Variants in PGR observed in about 807,000 individuals in gnomAD.
The protein encoded by PGR is nuclear receptor subfamily 3 group C member 3.
A neutral mutation model predicts 76.1 loss-of-function variants in PGR; 25 were observed. That is an observed-to-expected ratio of 0.33 (90% CI 0.24 to 0.46). The LOEUF is 0.46. Ranked by LOEUF, PGR falls within the 20% of genes least tolerant of loss-of-function variation. PGR has a pLI of 1.00. For synonymous variants in PGR, 579 were observed against 535.0 expected (o/e 1.08, Z -1.14); for missense variants, 1,172 against 1,225.3 (o/e 0.96, Z 0.65).
At chr11:101,109,234 G>T (rs1591422808) in intron 2 of PGR, among the ~76,000 whole-genome samples, 1 of 152,276 alleles carries the variant, frequency 6.6e-6, no homozygotes, top group Middle Eastern at 3.4e-3. Flanking sequence ...GAAAGGAAGG[G>T]TTGCATATGT....
intron 6 of PGR, among the ~76,000 whole-genome samples, chr11:101,043,071 T>C (rs956344951): frequency 5.3e-5 from 8 of 152,194 alleles, no homozygotes; most frequent in Admixed American, 4.6e-4. Context: ...GTTGACTCTT[T>C]TGTGAATAAT....
At chr11:101,086,486 A>G (rs1861504312) in intron 3 of PGR, among the ~76,000 whole-genome samples, 2 of 152,146 alleles carry the variant, frequency 1.3e-5, no homozygotes, top group South Asian at 4.1e-4. Context: ...CCAATATCAG[A>G]CTGAATGGGC....
chr11:101,071,540 A>G (rs1322525549), intron 3 of PGR, among the ~76,000 whole-genome samples: 1 of 151,984 alleles, frequency 6.6e-6, no homozygotes, highest in African/African-American at 2.4e-5. Flanking sequence ...GAGTTAATGG[A>G]GCATGTTCTA....
chr11:101,113,427 A>ATTT (rs386374672), intron 2 of PGR, among the ~76,000 whole-genome samples: 2,943 of 147,222 alleles, frequency 0.02, 100 homozygotes, highest in African/African-American at 0.067. Context: ...ATGCCTGGCT[A>ATTT]TTTTTTTTTT....
At chr11:101,104,071 A>G (rs1862075342) in intron 2 of PGR, among the ~76,000 whole-genome samples, 1 of 152,236 alleles carries the variant, frequency 6.6e-6, no homozygotes, top group East Asian at 1.9e-4. Flanking sequence ...TGACAGTTCA[A>G]TAAACAAATA....
Position 101,037,694 on chromosome 11 carries a change from T to A in PGR, c.*1422A>T, listed in dbSNP as rs985084499. 9 of 226,056 alleles carry A rather than the reference T, an allele frequency of 4.0e-5. No homozygotes were observed. Among genetic ancestry groups the A allele is most frequent in the African/African-American group, 2.0e-4 (9 of 44,886 alleles). The allele number at this position is 226,056 out of a possible 1,614,324, so 14.0% of individuals were successfully genotyped here. A position where few individuals can be genotyped will look rare whatever the true frequency, so the allele number is the denominator to read the frequency against. On this transcript the variant is annotated 3_prime_UTR_variant, in exon 8 of 8. Coordinates refer to ENST00000325455, the MANE Select transcript of PGR (RefSeq NM_000926.4). The stretch of plus-strand genomic sequence containing the variant: ...CAAAGTAGGAAGCAAAGGTGGAAAA[T>A]TTAAAAGTAATGAAGATAATTGATG...
chr11:101,075,256 TG>T (rs1431497039), intron 3 of PGR, among the ~76,000 whole-genome samples: 1 of 152,204 alleles, frequency 6.6e-6, no homozygotes, highest in African/African-American at 2.4e-5. Flanking sequence ...TTGGGGAAAC[TG>T]GCTAGCCATA....
intron 2 of PGR, among the ~76,000 whole-genome samples, chr11:101,112,653 G>A (rs1240441784): frequency 2.6e-5 from 4 of 152,146 alleles, no homozygotes; most frequent in African/African-American, 9.6e-5. Flanking sequence ...GAGAATGAGG[G>A]GACTGTCTGC....
In PGR at chr11:101,069,673, G is replaced by T. The variant is rs1860850657; in HGVS notation, c.1907-6921C>A. 2.0e-5 allele frequency among the ~76,000 whole-genome samples: 3 copies of T among 152,310 alleles called. No homozygotes were observed. In the South Asian group the frequency reaches 6.2e-4, roughly 32 times the overall value. On this transcript the variant is annotated intron_variant, in intron 3 of 7. Coordinates refer to ENST00000325455, the MANE Select transcript of PGR (RefSeq NM_000926.4). The stretch of plus-strand genomic sequence containing the variant: ...GCACATATACACCATGGAATACTAT[G>T]CAGCCATCAAAAGGGATGAGTTCAT...
chr11:101,125,506 AAT>A (rs1862810115), intron 2 of PGR, among the ~76,000 whole-genome samples: 1 of 152,232 alleles, frequency 6.6e-6, no homozygotes, highest in Admixed American at 6.5e-5. Flanking sequence ...ATATTACATA[AAT>A]ATTCATGTAG....
intron 3 of PGR, among the ~76,000 whole-genome samples, chr11:101,070,442 C>T (rs1419363520): frequency 6.6e-6 from 1 of 152,062 alleles, no homozygotes; most frequent in Non-Finnish European, 1.5e-5. Context: ...TTTTTTCATA[C>T]CCCAGTGGCA....
intron 3 of PGR, among the ~76,000 whole-genome samples, chr11:101,081,914 A>G (rs1051457187): frequency 6.6e-6 from 1 of 152,186 alleles, no homozygotes; most frequent in South Asian, 2.1e-4. Flanking sequence ...ATAAAAATTA[A>G]CCTTGAACGT....
In PGR at chr11:101,043,985, A is replaced by T. The variant is rs143227810; in HGVS notation, c.2489-1883T>A. 7.2e-3 allele frequency among the ~76,000 whole-genome samples: 1,088 copies of T among 151,394 alleles called. 8 individuals carry two copies. The highest frequency in any genetic ancestry group is 0.012 in the Non-Finnish European group (814 of 67,848). On this transcript the variant is annotated intron_variant, in intron 6 of 7. Coordinates refer to ENST00000325455, the MANE Select transcript of PGR (RefSeq NM_000926.4). Reference sequence around the variant, plus strand: ...TAAATGAGCATTAGCTTCAGCTTCAAGTCACCAGCTTCAGCTTCAAGTCAC... The same window carrying T: ...TAAATGAGCATTAGCTTCAGCTTCATGTCACCAGCTTCAGCTTCAAGTCAC...
At chr11:101,088,192 T>C (rs943234344) in intron 3 of PGR, among the ~76,000 whole-genome samples, 6 of 152,044 alleles carry the variant, frequency 3.9e-5, no homozygotes, top group Admixed American at 3.9e-4. Context: ...AGTGAGACTC[T>C]GTCTCAAAAA....
intron 2 of PGR, among the ~76,000 whole-genome samples, chr11:101,101,444 C>A (rs1453802264): frequency 1.3e-5 from 2 of 152,104 alleles, no homozygotes; most frequent in Admixed American, 1.3e-4. Context: ...TACCAGATTG[C>A]CTCTTGGAAG....
chr11:101,066,782 A>C (rs1860731945), intron 3 of PGR, among the ~76,000 whole-genome samples: 1 of 152,206 alleles, frequency 6.6e-6, no homozygotes, highest in Non-Finnish European at 1.5e-5. Flanking sequence ...TATCTAATAC[A>C]TCAGCAAATC....
intron 6 of PGR, among the ~76,000 whole-genome samples, chr11:101,044,215 C>G (rs1565328889): frequency 6.6e-6 from 1 of 152,220 alleles, no homozygotes; most frequent in Non-Finnish European, 1.5e-5. Flanking sequence ...GGGTAACTTG[C>G]TGCAGCTTCT....
chr11:101,064,768 T>C (rs927461878), intron 3 of PGR, among the ~76,000 whole-genome samples: 4 of 152,240 alleles, frequency 2.6e-5, no homozygotes, highest in East Asian at 1.9e-4. Context: ...CTTTATTATC[T>C]GTTGCTGTAT....
chr11:101,042,178 G>T, intron 6 of PGR, 76 bp from the exon 7 acceptor site: 1 of 1,451,786 alleles, frequency 6.9e-7, no homozygotes, highest in Non-Finnish European at 9.6e-7. Context: ...ATATTTCTGA[G>T]CTATATAATG....
Sources: allele counts gnomAD v4.1 joint callset (sites outside exome capture counted in the v4.1 genomes callset), GRCh38; gene constraint gnomAD v4.1.1; transcripts MANE v1.5; gene names NCBI Gene and HGNC (gene_info 2026-07-23, HGNC 2026-07-21).